The following RHOBTB2 variants were observed in gnomAD, a reference collection of about 807,000 sequenced individuals.
The protein encoded by RHOBTB2 is rho-related BTB domain-containing protein 2.
RHOBTB2 carries 39 observed loss-of-function variants against 66.5 expected under a neutral mutation model. The observed-to-expected ratio is 0.59, with a 90% CI of 0.45 to 0.77. The LOEUF (loss-of-function observed/expected upper bound fraction) is 0.77, where lower values mean the gene tolerates loss of function less well. Among genes scored for constraint, RHOBTB2 ranks in the 30% least tolerant of loss-of-function variants. The pLI, the probability that RHOBTB2 is intolerant of heterozygous loss-of-function variation, is 0.00. For synonymous variants in RHOBTB2, 390 were observed against 395.0 expected, an observed-to-expected ratio of 0.99 and a Z score of 0.15; for missense variants, 755 against 999.1, an observed-to-expected ratio of 0.76 and a Z score of 3.29.
rs1563297604 is a variant in RHOBTB2 at position 23,017,111 on chromosome 8, CAT to C, written c.1967-140_1967-139del. The stretch of plus-strand genomic sequence containing the variant: ...GGGAACTTTGCTTGCCTCGGAGGCT[CAT>C]GTGCCGTGGGTCATGGGGATGTGCT... On this transcript the variant is annotated intron_variant, in intron 9 of 9. Transcript: ENST00000251822. This position sits in a 1 kb window ranked among gnomAD's most constrained non-coding sequence, Gnocchi z 5.3. The C allele has an allele frequency of 5.6e-6, 6 of 1,073,060 alleles. No homozygotes were observed. The highest frequency in any genetic ancestry group is 8.2e-6 in the Non-Finnish European group (6 of 731,746). The allele number at this position is 1,073,060 out of a possible 1,614,324, so 66.5% of individuals were successfully genotyped here. A position where few individuals can be genotyped will look rare whatever the true frequency, so the allele number is the denominator to read the frequency against.
the RHOBTB2 span, among the ~76,000 whole-genome samples, chr8:22,967,974 T>C: frequency 2.0e-5 from 3 of 152,006 alleles, no homozygotes; most frequent in Non-Finnish European, 2.9e-5. Flanking sequence ...CTGGGCAACA[T>C]GGTAAAACCC....
Position 23,007,553 on chromosome 8 carries a change from G to C in RHOBTB2, c.1308G>C (p.Gly436=), listed in dbSNP as rs1811008639. The stretch of plus-strand genomic sequence containing the variant: ...CTGTCCTCAAGTACCTGTACACGGG[G>C]GAGCTAGATGAGAACGAGCGTGACC... The part of the protein sequence containing the change: ...FRAVLKYLYT[G]ELDENERDLM... The change falls in exon 5 of 10, where the codon GGG becomes GGC. Residue 436 remains glycine, a synonymous_variant. Coordinates refer to ENST00000251822, the MANE Select transcript of RHOBTB2 (RefSeq NM_015178.3). 6.2e-7 allele frequency: 1 copy of C among 1,614,200 alleles called. No individual in the cohort carries two copies. The highest frequency in any genetic ancestry group is 8.5e-7 in the Non-Finnish European group (1 of 1,180,044).
At chr8:22,959,746 T>C in the RHOBTB2 span, among the ~76,000 whole-genome samples, 1 of 152,102 alleles carries the variant, frequency 6.6e-6, no homozygotes, top group Non-Finnish European at 1.5e-5. Flanking sequence ...GTGGTTACCT[T>C]GTCAATCAAA....
Position 23,007,544 on chromosome 8 carries a change from G to A in RHOBTB2, c.1299G>A (p.Leu433=), listed in dbSNP as rs769774678. 4.3e-6 allele frequency: 7 copies of A among 1,614,102 alleles called. No homozygotes were observed. In the Admixed American group the frequency reaches 1.0e-4, roughly 23 times the overall value. The change falls in exon 5 of 10, where the codon CTG becomes CTA. Residue 433 remains leucine (L), a synonymous_variant. Coordinates refer to ENST00000251822, the MANE Select transcript of RHOBTB2 (RefSeq NM_015178.3). Reference sequence around the variant, plus strand: ...CCTTCCGGGCTGTCCTCAAGTACCTGTACACGGGGGAGCTAGATGAGAACG... The same window carrying A: ...CCTTCCGGGCTGTCCTCAAGTACCTATACACGGGGGAGCTAGATGAGAACG... ...PGPFRAVLKY[L]YTGELDENER... is the part of the protein sequence containing the mutation.
At chr8:22,973,971 C>G in the RHOBTB2 span, among the ~76,000 whole-genome samples, 1 of 152,182 alleles carries the variant, frequency 6.6e-6, no homozygotes, top group Non-Finnish European at 1.5e-5. Flanking sequence ...CCAGCCCTTC[C>G]AGGGAGTCAC....
upstream of RHOBTB2, among the ~76,000 whole-genome samples, chr8:22,985,892 T>A (rs952631506): frequency 1.3e-5 from 2 of 152,138 alleles, no homozygotes; most frequent in Non-Finnish European, 2.9e-5. Flanking sequence ...TACCCACCAG[T>A]GCACCCACAG....
At chr8:22,970,139 T>C in the RHOBTB2 span, among the ~76,000 whole-genome samples, 1 of 152,064 alleles carries the variant, frequency 6.6e-6, no homozygotes, top group Non-Finnish European at 1.5e-5. Context: ...AGAAAAGAAA[T>C]TTAGTTTCTC....
chr8:22,962,804 C>T, the RHOBTB2 span, among the ~76,000 whole-genome samples: 1 of 152,204 alleles, frequency 6.6e-6, no homozygotes, highest in African/African-American at 2.4e-5. Flanking sequence ...TCATTTAGTG[C>T]ATCCCAGAGC....
chr8:23,016,396 C>CT (rs1811293038), intron 9 of RHOBTB2, among the ~76,000 whole-genome samples: 1 of 152,004 alleles, frequency 6.6e-6, no homozygotes, highest in Non-Finnish European at 1.5e-5. Context: ...TACTACAACA[C>CT]TTTTAAAAAA....
At chr8:22,962,825 G>A in the RHOBTB2 span, among the ~76,000 whole-genome samples, 1 of 152,212 alleles carries the variant, frequency 6.6e-6, no homozygotes, top group South Asian at 2.1e-4. Flanking sequence ...AGAGCCATAG[G>A]CTGGTTTCTG....
At position 23,006,059 on chromosome 8, in the gene RHOBTB2, A is replaced by G. The variant is rs148179064; in HGVS notation, c.396A>G (p.Arg132=). Residue 132 remains arginine, a synonymous_variant, in exon 4 of 10, where the codon CGA becomes CGG. Transcript: ENST00000251822. This position sits in a 1 kb window ranked among gnomAD's most constrained non-coding sequence, Gnocchi z 6.1. ...WYPEIKHFCP[R]APVILVGCQL... is the part of the protein sequence containing the mutation. The stretch of plus-strand genomic sequence containing the variant: ...CAGAAATCAAGCACTTCTGCCCCCG[A>G]GCACCTGTCATCTTGGTGGGCTGCC... 3 of 1,613,504 alleles carry G rather than the reference A, an allele frequency of 1.9e-6. No homozygotes were observed. The highest frequency in any genetic ancestry group is 2.5e-6 in the Non-Finnish European group (3 of 1,179,856).
At chr8:22,980,493 C>T in the RHOBTB2 span, among the ~76,000 whole-genome samples, 10 of 152,120 alleles carry the variant, frequency 6.6e-5, no homozygotes, top group Non-Finnish European at 1.5e-4. Context: ...AAATTTAAAT[C>T]CTTCAGATTT....
chr8:22,960,713 G>A, the RHOBTB2 span, among the ~76,000 whole-genome samples: 2 of 152,156 alleles, frequency 1.3e-5, no homozygotes, highest in Non-Finnish European at 2.9e-5. Flanking sequence ...ATAAAACTTT[G>A]TGATTCCAAA....
chr8:22,958,882 C>T, the RHOBTB2 span, among the ~76,000 whole-genome samples: 7 of 149,206 alleles, frequency 4.7e-5, no homozygotes, highest in Admixed American at 1.3e-4. Flanking sequence ...TGAATGGGAC[C>T]CAGAATGGGG....
chr8:22,966,788 AAAAC>A, the RHOBTB2 span, among the ~76,000 whole-genome samples: 65 of 152,326 alleles, frequency 4.3e-4, no homozygotes, highest in African/African-American at 1.4e-3. Context: ...CCTAATATTA[AAAAC>A]ACATCTGAAT....
chr8:23,009,869 T>A (rs1811085074), intron 6 of RHOBTB2, among the ~76,000 whole-genome samples: 1 of 152,170 alleles, frequency 6.6e-6, no homozygotes, highest in South Asian at 2.1e-4. Flanking sequence ...GACGCCAGCT[T>A]TAAACTTCTA....
chr8:23,013,923 C>T (rs796546783), intron 7 of RHOBTB2, among the ~76,000 whole-genome samples: 9 of 152,208 alleles, frequency 5.9e-5, no homozygotes, highest in Admixed American at 2.6e-4. Flanking sequence ...CAGAGTCTTA[C>T]GAGCTTCCTC....
intron 8 of RHOBTB2, 89 bp from the exon 9 acceptor site, chr8:23,015,549 A>C: frequency 2.3e-6 from 2 of 873,562 alleles, no homozygotes; most frequent in South Asian, 3.0e-5. Context: ...CCTGCACCAG[A>C]GCTTCAGCTC....
chr8:23,007,172 G>A lies in RHOBTB2; in HGVS notation c.927G>A (p.Ser309=), dbSNP rs1328102717. Residue 309 remains serine (S), a synonymous_variant, in exon 5 of 10, where the codon TCG becomes TCA. Coordinates refer to ENST00000251822, the MANE Select transcript of RHOBTB2 (RefSeq NM_015178.3). ...GTGAGGGGGAGCTGGGGGGCCCCTCGGAGCCAGGGGGCACCCACCCAGAGG... is the reference window on the plus strand; with the variant it reads ...GTGAGGGGGAGCTGGGGGGCCCCTCAGAGCCAGGGGGCACCCACCCAGAGG... ...DLSEGELGGP[S]EPGGTHPEDH... 11 of 1,603,996 alleles carry A rather than the reference G, an allele frequency of 6.9e-6. No homozygotes were observed. The East Asian group carries it at 8.9e-5, about 13-fold the overall frequency.
Sources: allele counts gnomAD v4.1 joint callset (sites outside exome capture counted in the v4.1 genomes callset), GRCh38; gene constraint gnomAD v4.1.1; non-coding constraint Gnocchi (gnomAD v3.1); transcripts MANE v1.5; gene names NCBI Gene and HGNC (gene_info 2026-07-23, HGNC 2026-07-21).